PGAP4: variants seen among roughly 807,000 people sequenced by gnomAD.
PGAP4 encodes the protein GPI-N-acetylgalactosamine transferase PGAP4.
In PGAP4, 12 loss-of-function variants were observed where a neutral mutation model predicts 28.2. The observed-to-expected ratio is 0.42, with a 90% CI of 0.27 to 0.69. The LOEUF (loss-of-function observed/expected upper bound fraction) is 0.69, where lower values mean the gene tolerates loss of function less well. PGAP4 is among the 30% of genes least tolerant of loss of function. The pLI, the probability that PGAP4 is intolerant of heterozygous loss-of-function variation, is 0.22. For synonymous variants in PGAP4, 205 were observed against 211.8 expected (o/e 0.97, Z 0.28); for missense variants, 425 against 513.5 (o/e 0.83, Z 1.67).
intron 2 of PGAP4, among the ~76,000 whole-genome samples, chr9:101,515,950 C>CA (rs1217409796): frequency 1.9e-4 from 28 of 151,256 alleles, no homozygotes; most frequent in Non-Finnish European, 3.7e-4. Flanking sequence ...TGTCTCACCA[C>CA]AAAAAAAATG....
intron 2 of PGAP4, among the ~76,000 whole-genome samples, chr9:101,505,752 C>T (rs192092858): frequency 1.3e-5 from 2 of 152,004 alleles, no homozygotes; most frequent in African/African-American, 2.4e-5. Context: ...AGCATTCTGC[C>T]TTCTACACAG....
At chr9:101,525,081 T>G (rs1827023680) in intron 2 of PGAP4, among the ~76,000 whole-genome samples, 1 of 152,124 alleles carries the variant, frequency 6.6e-6, no homozygotes, top group African/African-American at 2.4e-5. Context: ...AATATACGAG[T>G]GCATGTCTTT....
chr9:101,517,121 A>G (rs976825077), intron 2 of PGAP4, among the ~76,000 whole-genome samples: 2 of 152,216 alleles, frequency 1.3e-5, no homozygotes, highest in East Asian at 3.8e-4. Context: ...AAATTTGCAT[A>G]TATCAGAATT....
intron 2 of PGAP4, among the ~76,000 whole-genome samples, chr9:101,510,344 C>T (rs772647281): frequency 2.6e-5 from 4 of 152,004 alleles, no homozygotes; most frequent in Non-Finnish European, 5.9e-5. Flanking sequence ...TTTGATGAAG[C>T]GGTGTCCTTC....
intron 2 of PGAP4, among the ~76,000 whole-genome samples, chr9:101,505,022 T>A (rs1296670346): frequency 6.6e-6 from 1 of 152,114 alleles, no homozygotes; most frequent in African/African-American, 2.4e-5. Flanking sequence ...AAGAACATGA[T>A]GAAAATAGCA....
At chr9:101,497,945 G>A (rs1826766036) in intron 2 of PGAP4, among the ~76,000 whole-genome samples, 1 of 151,618 alleles carries the variant, frequency 6.6e-6, no homozygotes, top group South Asian at 2.1e-4. Flanking sequence ...TTTAGTTAGG[G>A]GATAGTAATG....
At chr9:101,522,226 T>C (rs1402977991) in intron 2 of PGAP4, among the ~76,000 whole-genome samples, 1 of 152,140 alleles carries the variant, frequency 6.6e-6, no homozygotes, top group Non-Finnish European at 1.5e-5. Context: ...ATCTTTTAAG[T>C]CCATTTGTTC....
chr9:101,485,175 C>T (rs1029018065), intron 1 of PGAP4, among the ~76,000 whole-genome samples: 3 of 152,000 alleles, frequency 2.0e-5, no homozygotes, highest in Admixed American at 2.0e-4. Context: ...GTGCCAGGGC[C>T]ATGTTATTTT....
chr9:101,523,666 T>C (rs1217273339), intron 2 of PGAP4, among the ~76,000 whole-genome samples: 1 of 137,028 alleles, frequency 7.3e-6, no homozygotes, highest in Non-Finnish European at 1.5e-5. Context: ...TTTCCTTGCA[T>C]TGGGCTTCGC....
chr9:101,533,620 A>G (rs1827134171), upstream of PGAP4: 1 of 152,254 alleles, frequency 6.6e-6, no homozygotes, highest in Admixed American at 6.5e-5. Context: ...CAAGTCAACA[A>G]AAGCCAAGGG....
chr9:101,488,468 C>T (rs1826654542), upstream of PGAP4, among the ~76,000 whole-genome samples: 1 of 152,140 alleles, frequency 6.6e-6, no homozygotes, highest in Non-Finnish European at 1.5e-5. Context: ...TCCTCTGTGC[C>T]TCAATGTTCT....
intron 2 of PGAP4, among the ~76,000 whole-genome samples, chr9:101,509,207 C>G (rs1172450039): frequency 6.6e-6 from 1 of 152,096 alleles, no homozygotes; most frequent in Non-Finnish European, 1.5e-5. Context: ...AGGTGATCAC[C>G]CACCAGCTGA....
At chr9:101,497,900 C>T (rs1305377341) in intron 2 of PGAP4, among the ~76,000 whole-genome samples, 1 of 151,682 alleles carries the variant, frequency 6.6e-6, no homozygotes, top group Non-Finnish European at 1.5e-5. Context: ...CACATACATA[C>T]ACAAACAAAG....
At chr9:101,477,991 G>A (rs1041233972) in intron 1 of PGAP4, among the ~76,000 whole-genome samples, 1 of 152,182 alleles carries the variant, frequency 6.6e-6, no homozygotes, top group African/African-American at 2.4e-5. Flanking sequence ...AAAATGCTGT[G>A]TGATATGATG....
At chr9:101,520,718 G>A (rs920409794) in intron 2 of PGAP4, among the ~76,000 whole-genome samples, 2 of 152,042 alleles carry the variant, frequency 1.3e-5, no homozygotes, top group African/African-American at 4.8e-5. Context: ...TTTCTTTCTC[G>A]TGTCTGATTT....
At chr9:101,482,719 G>T (rs1826521817) in intron 1 of PGAP4, among the ~76,000 whole-genome samples, 1 of 152,076 alleles carries the variant, frequency 6.6e-6, no homozygotes, top group Non-Finnish European at 1.5e-5. Context: ...AGCTCAAAAG[G>T]TACCTCTTCC....
At chr9:101,523,388 G>A (rs1215465078) in intron 2 of PGAP4, among the ~76,000 whole-genome samples, 1 of 151,742 alleles carries the variant, frequency 6.6e-6, no homozygotes, top group Non-Finnish European at 1.5e-5. Context: ...ACTTCTTGGA[G>A]GCTTTGTTCA....
At chr9:101,516,174 A>G (rs938829268) in intron 2 of PGAP4, among the ~76,000 whole-genome samples, 1 of 152,074 alleles carries the variant, frequency 6.6e-6, no homozygotes, top group Admixed American at 6.6e-5. Context: ...AAGTTAATCT[A>G]TTTTACTCCT....
chr9:101,500,714 T>C (rs1826789778), intron 2 of PGAP4, among the ~76,000 whole-genome samples: 1 of 151,970 alleles, frequency 6.6e-6, no homozygotes, highest in African/African-American at 2.4e-5. Flanking sequence ...AGGGAGAAGA[T>C]AATGAGTGGG....
Sources: gnomAD v4.1 joint callset for allele counts (sites outside exome capture counted in the v4.1 genomes callset) on GRCh38, gnomAD v4.1.1 for gene constraint, MANE v1.5 for transcripts, NCBI Gene and HGNC (gene_info 2026-07-23, HGNC 2026-07-21) for gene names.